RBFOX1: variants seen among roughly 807,000 people sequenced by gnomAD.
The protein encoded by RBFOX1 is RNA binding protein fox-1 homolog 1.
Under a neutral mutation model 57.7 loss-of-function variants are expected in RBFOX1, and 8 were observed. That is an observed-to-expected ratio of 0.14 (90% CI 0.08 to 0.25). The LOEUF (loss-of-function observed/expected upper bound fraction) is 0.25. RBFOX1 is among the 10% of genes least tolerant of loss of function. RBFOX1 has a pLI of 1.00. For synonymous variants in RBFOX1, 326 were observed against 222.4 expected (o/e 1.47, Z -4.15); for missense variants, 611 against 548.5 (o/e 1.11, Z -1.14).
intron 2 of RBFOX1, among the ~76,000 whole-genome samples, chr16:6,450,984 A>G (rs778710597): frequency 9.4e-5 from 14 of 148,260 alleles, no homozygotes; most frequent in Non-Finnish European, 1.3e-4. Context: ...GGCCCAGTTT[A>G]AGACAATAGG....
chr16:7,034,705 G>C (rs2043779000), intron 3 of RBFOX1, among the ~76,000 whole-genome samples: 2 of 151,764 alleles, frequency 1.3e-5, no homozygotes, highest in African/African-American at 4.8e-5. Flanking sequence ...CTTTCAGTGA[G>C]GACACCTCAC....
intron 3 of RBFOX1, among the ~76,000 whole-genome samples, chr16:5,770,672 C>T (rs2053948193): frequency 6.6e-6 from 1 of 152,032 alleles, no homozygotes; most frequent in Admixed American, 6.5e-5. Flanking sequence ...CTTTCCTGCA[C>T]ATAGCCAAGA....
In RBFOX1 at chr16:7,140,334, A is replaced by G. The variant is rs562000051; in HGVS notation, c.27+88236A>G. On this transcript the variant is annotated intron_variant, in intron 4 of 15. Coordinates refer to ENST00000550418, the MANE Select transcript of RBFOX1 (RefSeq NM_018723.4). ...CTCTTGGTTATTTTTCTGACCACAC[A>G]AAGTTTCTTTTCCCCACTCTGAGTC... Among the ~76,000 whole-genome samples, 31 of 145,334 alleles carry G rather than the reference A, an allele frequency of 2.1e-4. No individual in the cohort carries two copies. The South Asian group carries it at 6.7e-3, about 32-fold the overall frequency.
At chr16:7,305,874 CATATT>C (rs2096171054) in intron 4 of RBFOX1, among the ~76,000 whole-genome samples, 1 of 152,132 alleles carries the variant, frequency 6.6e-6, no homozygotes, top group South Asian at 2.1e-4. Context: ...GTATTGATAA[CATATT>C]ATATGCTTCA....
intron 3 of RBFOX1, among the ~76,000 whole-genome samples, chr16:5,635,213 G>C (rs1287966535): frequency 6.6e-6 from 1 of 152,190 alleles, no homozygotes; most frequent in Non-Finnish European, 1.5e-5. Flanking sequence ...TTGATGGTCA[G>C]CCATCTGACA....
At chr16:7,284,973 A>T (rs1226223248) in intron 4 of RBFOX1, among the ~76,000 whole-genome samples, 1 of 151,042 alleles carries the variant, frequency 6.6e-6, no homozygotes, top group East Asian at 1.9e-4. Flanking sequence ...TCTCCTCGCC[A>T]ACGCCTCATC....
intron 4 of RBFOX1, among the ~76,000 whole-genome samples, chr16:7,256,075 G>C (rs542128093): frequency 6.6e-6 from 1 of 152,312 alleles, no homozygotes; most frequent in Non-Finnish European, 1.5e-5. Context: ...AAAATACACT[G>C]TTAAAGTCAT....
intron 1 of RBFOX1, among the ~76,000 whole-genome samples, chr16:5,328,235 G>C (rs974087131): frequency 2.0e-5 from 3 of 152,100 alleles, no homozygotes; most frequent in African/African-American, 4.8e-5. Context: ...AGTTAAATAA[G>C]GCTTTTAAAG....
intron 3 of RBFOX1, among the ~76,000 whole-genome samples, chr16:5,690,794 A>G (rs1456231454): frequency 6.6e-6 from 1 of 152,158 alleles, no homozygotes; most frequent in African/African-American, 2.4e-5. Context: ...TTGAAACCTG[A>G]CCATGCCTAG....
At chr16:7,524,496 A>G (rs1446949539) in intron 5 of RBFOX1, among the ~76,000 whole-genome samples, 1 of 152,208 alleles carries the variant, frequency 6.6e-6, no homozygotes, top group African/African-American at 2.4e-5. Context: ...CTCTTGACAT[A>G]TTATCATTAG....
At chr16:5,646,640 T>A (rs2049063930) in intron 3 of RBFOX1, among the ~76,000 whole-genome samples, 1 of 151,868 alleles carries the variant, frequency 6.6e-6, no homozygotes. Context: ...ACCCTCTTAT[T>A]TTTTATTTTT....
intron 4 of RBFOX1, among the ~76,000 whole-genome samples, chr16:7,409,657 C>G (rs1267679501): frequency 4.6e-5 from 7 of 152,208 alleles, no homozygotes; most frequent in Admixed American, 4.6e-4. Context: ...AATCCAATCA[C>G]TATAGGCCAG....
chr16:6,681,979 C>G (rs747722711), intron 3 of RBFOX1, among the ~76,000 whole-genome samples: 3 of 152,142 alleles, frequency 2.0e-5, no homozygotes, highest in Admixed American at 6.5e-5. Flanking sequence ...ACCTTTATTT[C>G]TTCTTCCAAA....
At chr16:5,701,479 T>C (rs2051045833) in intron 3 of RBFOX1, among the ~76,000 whole-genome samples, 1 of 148,774 alleles carries the variant, frequency 6.7e-6, no homozygotes, top group African/African-American at 2.6e-5. Flanking sequence ...ATGGAAGATT[T>C]TTTTTTTTTC....
At chr16:6,759,100 A>G (rs922615157) in intron 3 of RBFOX1, among the ~76,000 whole-genome samples, 1 of 152,174 alleles carries the variant, frequency 6.6e-6, no homozygotes, top group Non-Finnish European at 1.5e-5. Context: ...TACTGAAAAT[A>G]AAGTTGAAAT....
Position 5,722,157 on chromosome 16 carries a change from C to G in RBFOX1, c.318+123196C>G, listed in dbSNP as rs567060815. On this transcript the variant is annotated intron_variant, in intron 3 of 19. Coordinates refer to the RBFOX1 transcript ENST00000641259. ...GTTACAATGGATAATATTACCAAGTCCTATAAAATGAAAATCAAGTTTGAA... is the reference window on the plus strand; with the variant it reads ...GTTACAATGGATAATATTACCAAGTGCTATAAAATGAAAATCAAGTTTGAA... 3.9e-5 allele frequency among the ~76,000 whole-genome samples: 6 copies of G among 152,246 alleles called. No individual in the cohort carries two copies. In the South Asian group the frequency reaches 1.0e-3, roughly 26 times the overall value.
intron 4 of RBFOX1, among the ~76,000 whole-genome samples, chr16:7,445,022 T>C (rs1001510733): frequency 6.6e-6 from 1 of 150,484 alleles, no homozygotes; most frequent in African/African-American, 2.4e-5. Flanking sequence ...TTTTTTTTTT[T>C]CTTCTTTTTT....
At chr16:5,410,301 G>A (rs970068288) in intron 1 of RBFOX1, among the ~76,000 whole-genome samples, 1 of 151,926 alleles carries the variant, frequency 6.6e-6, no homozygotes, top group Admixed American at 6.6e-5. Context: ...TGCCCTCAGA[G>A]GTTGAGGCTG....
At chr16:5,575,739 C>G (rs2046429842) in intron 2 of RBFOX1, among the ~76,000 whole-genome samples, 1 of 152,028 alleles carries the variant, frequency 6.6e-6, no homozygotes, top group South Asian at 2.1e-4. Flanking sequence ...CCTCCCTGTC[C>G]AAATAGGAAG....
Sources: allele counts gnomAD v4.1 joint callset (sites outside exome capture counted in the v4.1 genomes callset), GRCh38; gene constraint gnomAD v4.1.1; transcripts MANE v1.5; gene names NCBI Gene and HGNC (gene_info 2026-07-23, HGNC 2026-07-21).